The following PPP2R5C variants were observed in gnomAD, a reference collection of about 807,000 sequenced individuals.
PPP2R5C encodes protein phosphatase 2 regulatory subunit B'gamma, also known as serine/threonine-protein phosphatase 2A 56 kDa regulatory subunit gamma isoform.
PPP2R5C carries 7 observed loss-of-function variants against 68.9 expected under a neutral mutation model. The ratio of observed to expected loss-of-function variants is 0.10; its 90% CI spans 0.06 to 0.19. The LOEUF (loss-of-function observed/expected upper bound fraction) is 0.19, where lower values mean the gene tolerates loss of function less well. Ranked by LOEUF, PPP2R5C falls within the 10% of genes least tolerant of loss-of-function variation. PPP2R5C has a pLI of 1.00. For missense variants in PPP2R5C, 348 were observed against 641.3 expected, an observed-to-expected ratio of 0.54 and a Z score of 4.94; for synonymous variants, 210 against 222.2, an observed-to-expected ratio of 0.95 and a Z score of 0.49.
At chr14:101,767,171 T>C (rs989833766) in intron 2 of PPP2R5C, 3 of 152,220 alleles carry the variant, frequency 2.0e-5, no homozygotes, top group Non-Finnish European at 2.9e-5. Context: ...CCTTCTACCT[T>C]TAGTAAATTT....
At chr14:101,865,233 G>T (rs147073311) in intron 2 of PPP2R5C, among the ~76,000 whole-genome samples, 2 of 152,208 alleles carry the variant, frequency 1.3e-5, no homozygotes, top group Non-Finnish European at 2.9e-5. Context: ...ACACTCACAA[G>T]GGAGTTTACC....
chr14:101,908,303 G>A (rs762513506), intron 10 of PPP2R5C, among the ~76,000 whole-genome samples: 3 of 152,222 alleles, frequency 2.0e-5, no homozygotes, highest in Non-Finnish European at 4.4e-5. Context: ...TGGCAATAGC[G>A]TGGTGGTTGT....
intron 1 of PPP2R5C, among the ~76,000 whole-genome samples, chr14:101,837,474 A>G (rs779318806): frequency 1.5e-4 from 23 of 152,232 alleles, no homozygotes; most frequent in Non-Finnish European, 3.1e-4. Flanking sequence ...TAAACTTAAT[A>G]TATACTAGCT....
At chr14:101,884,608 G>A (rs1383560074) in intron 5 of PPP2R5C, among the ~76,000 whole-genome samples, 1 of 152,248 alleles carries the variant, frequency 6.6e-6, no homozygotes, top group African/African-American at 2.4e-5. Context: ...CGGTGGAGGA[G>A]GACAGAGTCC....
Position 101,917,754 on chromosome 14 carries a change from AG to A in PPP2R5C, c.1327-76del. 1 of 1,587,292 alleles carries A rather than the reference AG, an allele frequency of 6.3e-7. No homozygotes were observed. Among genetic ancestry groups the A allele is most frequent in the Non-Finnish European group, 8.6e-7 (1 of 1,164,022 alleles). On this transcript the variant is annotated intron_variant, in intron 12 of 13. Coordinates refer to ENST00000334743, the Ensembl canonical transcript of PPP2R5C. This position sits in a 1 kb window ranked among gnomAD's most constrained non-coding sequence, Gnocchi z 4.4. ...GCCCTGGGGGGCGGCAGGGGAGATG[AG>A]TCCCTAGCCAGGATGAGAAGCTTGG...
chr14:101,808,398 C>T (rs1343132950), upstream of PPP2R5C, among the ~76,000 whole-genome samples: 1 of 152,200 alleles, frequency 6.6e-6, no homozygotes. Flanking sequence ...CACATCATCT[C>T]CTGGCCGGCC....
At chr14:101,815,763 A>G (rs954363595) in intron 1 of PPP2R5C, among the ~76,000 whole-genome samples, 11 of 152,122 alleles carry the variant, frequency 7.2e-5, no homozygotes, top group African/African-American at 1.2e-4. Flanking sequence ...TCTGCCTCCC[A>G]GGTTCAAGCG....
chr14:101,824,254 G>A (rs747543311), intron 1 of PPP2R5C: 40 of 1,103,746 alleles, frequency 3.6e-5, no homozygotes, highest in Non-Finnish European at 4.2e-5. Flanking sequence ...CTTTTTATTC[G>A]TAATGATATA....
intron 2 of PPP2R5C, among the ~76,000 whole-genome samples, chr14:101,767,454 A>G (rs2036916053): frequency 6.6e-6 from 1 of 152,172 alleles, no homozygotes; most frequent in African/African-American, 2.4e-5. Flanking sequence ...AAGGACAGTC[A>G]TTTTGTTCGG....
chr14:101,891,079 T>A lies in PPP2R5C; in HGVS notation c.689+783T>A, dbSNP rs1035905570. Among the ~76,000 whole-genome samples, 4 of 152,192 alleles carry A rather than the reference T, an allele frequency of 2.6e-5. No homozygotes were observed. Among genetic ancestry groups the A allele is most frequent in the Non-Finnish European group, 5.9e-5 (4 of 68,036 alleles). On this transcript the variant is annotated intron_variant, in intron 6 of 13. Transcript: ENST00000334743. The surrounding 1 kb of genome is among the most constrained non-coding windows in gnomAD (Gnocchi z 4.9). The stretch of plus-strand genomic sequence containing the variant: ...GAGCCACCACGCCCGGCCACTTTTA[T>A]TTAATTGATAACCCGTAGATTTTAT...
chr14:101,821,580 T>C (rs1256290092), intron 1 of PPP2R5C, among the ~76,000 whole-genome samples: 1 of 152,122 alleles, frequency 6.6e-6, no homozygotes, highest in Non-Finnish European at 1.5e-5. Flanking sequence ...AGAGCAGTTT[T>C]AGTAACAAAA....
intron 2 of PPP2R5C, among the ~76,000 whole-genome samples, chr14:101,779,729 T>C (rs2037586275): frequency 6.6e-6 from 1 of 152,130 alleles, no homozygotes; most frequent in Non-Finnish European, 1.5e-5. Flanking sequence ...ACTGGCATCT[T>C]GTGAGCAGGG....
At chr14:101,912,655 C>A in intron 12 of PPP2R5C, 182 bp downstream of exon 14, 1 of 1,250,758 alleles carries the variant, frequency 8.0e-7, no homozygotes, top group Non-Finnish European at 1.0e-6. Context: ...CTTATTTTGC[C>A]CCATATCGTT....
chr14:101,761,975 G>T, intron 1 of PPP2R5C, 55 bp downstream of exon 1: 1 of 1,181,284 alleles, frequency 8.5e-7, no homozygotes, highest in Non-Finnish European at 1.1e-6. Flanking sequence ...TGCCGGGGGA[G>T]GGCGCGACGG....
At chr14:101,794,707 C>G (rs1389057418) in intron 3 of PPP2R5C, among the ~76,000 whole-genome samples, 1 of 152,194 alleles carries the variant, frequency 6.6e-6, no homozygotes, top group East Asian at 1.9e-4. Flanking sequence ...ATGTCTCTTA[C>G]TAAGCTAATG....
chr14:101,869,986 A>G (rs1029402580), intron 2 of PPP2R5C, among the ~76,000 whole-genome samples: 2 of 127,118 alleles, frequency 1.6e-5, no homozygotes, highest in African/African-American at 5.9e-5. Context: ...TGTCGTTTGT[A>G]TATCTTCATT....
intron 13 of PPP2R5C, among the ~76,000 whole-genome samples, chr14:101,924,371 A>T (rs753621961): frequency 4.0e-5 from 6 of 150,670 alleles, no homozygotes; most frequent in Non-Finnish European, 7.4e-5. Flanking sequence ...TTTCAATTTG[A>T]TAGAAGTTTG....
chr14:101,882,981 G>T lies in PPP2R5C; in HGVS notation c.406-276G>T, dbSNP rs776133375. On this transcript the variant is annotated intron_variant, in intron 3 of 13. Coordinates refer to ENST00000334743, the Ensembl canonical transcript of PPP2R5C. The surrounding 1 kb of genome is among the most constrained non-coding windows in gnomAD (Gnocchi z 4.9). ...TGGTTTGTGGCATCTGTGCCCTGTAGTCCCTGAACAGTGTACTATAACTGA... is the reference window on the plus strand; with the variant it reads ...TGGTTTGTGGCATCTGTGCCCTGTATTCCCTGAACAGTGTACTATAACTGA... 3 of 325,794 alleles carry T rather than the reference G, an allele frequency of 9.2e-6. No individual in the cohort carries two copies. The highest frequency in any genetic ancestry group is 2.2e-5 in the African/African-American group (1 of 45,216). The allele number at this position is 325,794 out of a possible 1,614,324, so 20.2% of individuals were successfully genotyped here.
At chr14:101,838,089 G>A (rs2041234119) in intron 1 of PPP2R5C, among the ~76,000 whole-genome samples, 1 of 152,190 alleles carries the variant, frequency 6.6e-6, no homozygotes, top group Non-Finnish European at 1.5e-5. Context: ...ACACTAAAGA[G>A]GTAGCAAAGA....
Sources: gnomAD v4.1 joint callset for allele counts (sites outside exome capture counted in the v4.1 genomes callset) on GRCh38, gnomAD v4.1.1 for gene constraint, Gnocchi (gnomAD v3.1) non-coding constraint, MANE v1.5 for transcripts, NCBI Gene and HGNC (gene_info 2026-07-23, HGNC 2026-07-21) for gene names.